TBC1D7: variants seen among roughly 807,000 people sequenced by gnomAD.
TBC1D7 encodes the protein TBC domain family 7.
Under a neutral mutation model 35.3 loss-of-function variants are expected in TBC1D7, and 33 were observed. The ratio of observed to expected loss-of-function variants is 0.93; its 90% confidence interval spans 0.71 to 1.25. The LOEUF (loss-of-function observed/expected upper bound fraction) is 1.25, where lower values mean the gene tolerates loss of function less well. Ranked by LOEUF, TBC1D7 falls within the 50% of genes most tolerant of loss-of-function variation. TBC1D7 has a pLI of 0.00. For missense variants in TBC1D7, 362 were observed against 365.3 expected (o/e 0.99, Z 0.07); for synonymous variants, 135 against 129.5 (o/e 1.04, Z -0.29).
At chr6:13,313,058 T>C (rs143635410) in intron 5 of TBC1D7, among the ~76,000 whole-genome samples, 45 of 152,276 alleles carry the variant, frequency 3.0e-4, no homozygotes, top group Non-Finnish European at 5.1e-4. Flanking sequence ...GCATTTACAT[T>C]GTATTATGTA....
chr6:13,321,067 A>T lies in TBC1D7; in HGVS notation c.222T>A (p.His74Gln). ...LGILPPHHES[H>Q]AKVMMYRKEQ... ...CCTTACGATACATCATCACCTTGGCATGGGACTCGTGGTGTGGAGGCAAGA... is the reference window on the plus strand; with the variant it reads ...CCTTACGATACATCATCACCTTGGCTTGGGACTCGTGGTGTGGAGGCAAGA... Residue 74 changes from histidine (H) to glutamine (Q), a missense_variant, in exon 4 of 8, where the codon CAT (histidine) becomes CAA (glutamine). His to Gln is a conservative substitution (Grantham distance 24). Transcript: ENST00000379300. 2 of 1,613,798 alleles carry T rather than the reference A, an allele frequency of 1.2e-6. No individual in the cohort carries two copies. Among genetic ancestry groups the T allele is most frequent in the South Asian group, 2.2e-5 (2 of 91,070 alleles).
At chr6:13,307,565 C>T in intron 6 of TBC1D7, 35 bp downstream of exon 6, 1 of 1,611,018 alleles carries the variant, frequency 6.2e-7, no homozygotes. Context: ...GCTCTAACGC[C>T]AAGCCTTCAA....
Position 13,323,080 on chromosome 6 carries a change from C to T in TBC1D7, c.194-1985G>A, listed in dbSNP as rs973878922. ...ATGATAAAGAAAGGTGGGCCGAGCG[C>T]GGTGTCTCATGCCTGTAATCCCAGC... On this transcript the variant is annotated intron_variant, in intron 3 of 7. Transcript: ENST00000379300. 4.6e-5 allele frequency among the ~76,000 whole-genome samples: 7 copies of T among 152,278 alleles called. No individual in the cohort carries two copies. The East Asian group carries it at 7.7e-4, about 17-fold the overall frequency.
intron 3 of TBC1D7, among the ~76,000 whole-genome samples, chr6:13,323,362 A>G (rs148235426): frequency 6.5e-4 from 99 of 152,028 alleles, no homozygotes; most frequent in African/African-American, 2.3e-3. Flanking sequence ...AAATAAAAAA[A>G]TTAAAAAAAA....
chr6:13,324,700 C>G (rs894448917), intron 3 of TBC1D7, among the ~76,000 whole-genome samples: 6 of 152,166 alleles, frequency 3.9e-5, no homozygotes, highest in Non-Finnish European at 5.9e-5. Flanking sequence ...GGAAGTTATA[C>G]CTCTATAGCT....
chr6:13,327,361 C>G (rs535497503), intron 1 of TBC1D7, among the ~76,000 whole-genome samples: 3 of 152,316 alleles, frequency 2.0e-5, no homozygotes, highest in African/African-American at 7.2e-5. Context: ...ACTTAACACT[C>G]TATTCCAAAA....
intron 5 of TBC1D7, among the ~76,000 whole-genome samples, chr6:13,314,310 G>A (rs1157808634): frequency 1.3e-5 from 2 of 152,192 alleles, no homozygotes; most frequent in Admixed American, 1.3e-4. Flanking sequence ...CTTAGAAGGA[G>A]AAGTAGGGAA....
chr6:13,309,616 G>A (rs1240448617), intron 5 of TBC1D7, among the ~76,000 whole-genome samples: 6 of 152,026 alleles, frequency 3.9e-5, no homozygotes, highest in Admixed American at 6.6e-5. Context: ...CTCTATTAAA[G>A]AATAAAGAGG....
chr6:13,316,548 CAAAAA>C lies in TBC1D7; in HGVS notation c.519+18_519+22del. The C allele has an allele frequency of 1.3e-6, 2 of 1,497,820 alleles. No individual in the cohort carries two copies. Among genetic ancestry groups the C allele is most frequent in the African/African-American group, 3.0e-5 (2 of 66,804 alleles). 92.8% of individuals were successfully genotyped at this position (1,497,820 alleles called of 1,614,324 possible). A position where few individuals can be genotyped will look rare whatever the true frequency, so the allele number is the denominator to read the frequency against. On this transcript the variant is annotated intron_variant, in intron 5 of 7. Transcript: ENST00000379300. ...CTACCATTGTTCACTCTCCAATAGC[CAAAAA>C]AAAAAAAAAGCCCTCACCAACTGGG...
chr6:13,317,765 T>C (rs533301648), intron 4 of TBC1D7, among the ~76,000 whole-genome samples: 2 of 152,208 alleles, frequency 1.3e-5, no homozygotes, highest in Non-Finnish European at 2.9e-5. Context: ...CACTGACAGG[T>C]CAAGGGAAGA....
At position 13,304,998 on chromosome 6, in the gene TBC1D7, A is replaced by G; in HGVS notation, c.*103T>C. ...GGGGAAAAAAACCACTTTGAGCACC[A>G]AAGCAAGAAAAGTGTATTATTCAAT... On this transcript the variant is annotated 3_prime_UTR_variant, in exon 8 of 8. Transcript: ENST00000379300. 1 of 1,001,254 alleles carries G rather than the reference A, an allele frequency of 1.0e-6. No homozygotes were observed. The highest frequency in any genetic ancestry group is 1.7e-5 in the South Asian group (1 of 58,310). 62.0% of individuals were successfully genotyped at this position (1,001,254 alleles called of 1,614,324 possible). A position where few individuals can be genotyped will look rare whatever the true frequency, so the allele number is the denominator to read the frequency against.
At chr6:13,316,808 G>A (rs1449563694) in intron 4 of TBC1D7, 100 bp from the exon 5 acceptor site, 2 of 1,396,624 alleles carry the variant, frequency 1.4e-6, no homozygotes, top group Non-Finnish European at 2.0e-6. Flanking sequence ...ATTTTGAAAA[G>A]GCTACATTAA....
chr6:13,310,307 A>C (rs1385924392), intron 5 of TBC1D7, among the ~76,000 whole-genome samples: 1 of 152,242 alleles, frequency 6.6e-6, no homozygotes. Context: ...TGAATAAACT[A>C]TATTCACAAT....
intron 5 of TBC1D7, among the ~76,000 whole-genome samples, chr6:13,308,698 C>G (rs1782982135): frequency 6.6e-6 from 1 of 152,200 alleles, no homozygotes; most frequent in Non-Finnish European, 1.5e-5. Flanking sequence ...ATATCTATAC[C>G]TCTCTGCTTC....
Position 13,316,134 on chromosome 6 carries a change from G to A in TBC1D7, c.519+437C>T, listed in dbSNP as rs113540429. Among the ~76,000 whole-genome samples the A allele has an allele frequency of 6.5e-3, 988 of 152,318 alleles. 17 individuals are homozygous for A. Among genetic ancestry groups the A allele is most frequent in the African/African-American group, 0.023 (945 of 41,574 alleles). ...CCTCTCCATACTGTGGTTCTGCAGC[G>A]CCAGCTCTGCACTGCCTGGATTCTT... On this transcript the variant is annotated intron_variant, in intron 5 of 7. Coordinates refer to ENST00000379300, the MANE Select transcript of TBC1D7 (RefSeq NM_016495.6).
Position 13,305,180 on chromosome 6 carries a change from T to A in TBC1D7, c.803A>T (p.Gln268Leu), listed in dbSNP as rs910681146. ...GCTCACGATCGCGTCTGAGCTGTCC[T>A]GGGGAATCTGTGGGCAAGCAAATCA... ...KITKFLENIPQDSSDAIVSKA... is the reference protein window; with the variant it reads ...KITKFLENIPLDSSDAIVSKA... Residue 268 changes from glutamine (Q) to leucine (L), a missense_variant, in exon 8 of 8, where the codon CAG (glutamine) becomes CTG (leucine). Coordinates refer to ENST00000379300, the MANE Select transcript of TBC1D7 (RefSeq NM_016495.6). The A allele has an allele frequency of 1.2e-6, 2 of 1,614,080 alleles. No individual in the cohort carries two copies. The highest frequency in any genetic ancestry group is 2.7e-5 in the African/African-American group (2 of 74,932).
chr6:13,305,561 G>T, intron 7 of TBC1D7: 1 of 245,020 alleles, frequency 4.1e-6, no homozygotes, highest in Non-Finnish European at 8.0e-6. Flanking sequence ...GCCACCTCTG[G>T]TTATAATGAT....
chr6:13,320,457 GAA>G, intron 4 of TBC1D7: 3 of 370,636 alleles, frequency 8.1e-6, no homozygotes, highest in Non-Finnish European at 1.5e-5. Flanking sequence ...AATGATTTAG[GAA>G]AAAAAAAATG....
chr6:13,326,290 CTG>C (rs1475088788), intron 2 of TBC1D7, among the ~76,000 whole-genome samples: 5 of 151,992 alleles, frequency 3.3e-5, no homozygotes, highest in Non-Finnish European at 5.9e-5. Flanking sequence ...TGGTGAAATC[CTG>C]TCTCTACTAA....
Sources: gnomAD v4.1 joint callset for allele counts (sites outside exome capture counted in the v4.1 genomes callset) on GRCh38, gnomAD v4.1.1 for gene constraint, MANE v1.5 for transcripts, NCBI Gene and HGNC (gene_info 2026-07-23, HGNC 2026-07-21) for gene names.